RASAL1: variants seen among roughly 807,000 people sequenced by gnomAD.
RASAL1 encodes rasGAP-activating-like protein 1.
Under a neutral mutation model 96.6 loss-of-function variants are expected in RASAL1, and 72 were observed. That is an observed-to-expected ratio of 0.75 (90% CI 0.62 to 0.91). RASAL1 has a LOEUF of 0.91. RASAL1 is among the 40% of genes least tolerant of loss of function. RASAL1 has a pLI of 0.00. For missense variants in RASAL1, 1,016 were observed against 1,072.5 expected (o/e 0.95, Z 0.74); for synonymous variants, 405 against 430.4 (o/e 0.94, Z 0.73).
rs1377372099 is a variant in RASAL1, at chr12:113,108,066, G to A, written c.1512+19C>T. ...CCCTGGCTAAAGTACCTAGGATGGG[G>A]GAAACCCATGGCTGGCACCTTGGCA... On this transcript the variant is annotated intron_variant, in intron 14 of 20. Coordinates refer to ENST00000548055, the MANE Select transcript of RASAL1 (RefSeq NM_001301202.2). 6.2e-7 allele frequency: 1 copy of A among 1,603,566 alleles called. No individual in the cohort carries two copies. Among genetic ancestry groups the A allele is most frequent in the Non-Finnish European group, 8.5e-7 (1 of 1,175,376 alleles).
intron 2 of RASAL1, among the ~76,000 whole-genome samples, chr12:113,128,432 A>T (rs897440420): frequency 1.3e-5 from 2 of 151,504 alleles, no homozygotes; most frequent in African/African-American, 4.9e-5. Context: ...AGGCATAGAA[A>T]CACACACAGA....
Position 113,130,862 on chromosome 12 carries a change from T to C in RASAL1, c.122+23A>G, listed in dbSNP as rs1951678464. ...GAAAGAGACCCCTCCCTTCCTCCTC[T>C]CCCCCGTGTCGCCACCCCTCACCTG... On this transcript the variant is annotated intron_variant, in intron 2 of 20. Coordinates refer to ENST00000548055, the MANE Select transcript of RASAL1 (RefSeq NM_001301202.2). The surrounding 1 kb of genome is among the most constrained non-coding windows in gnomAD (Gnocchi z 5.1). 4 of 1,603,786 alleles carry C rather than the reference T, an allele frequency of 2.5e-6. No homozygotes were observed. The highest frequency in any genetic ancestry group is 1.7e-5 in the Admixed American group (1 of 59,522).
At position 113,115,245 on chromosome 12, in the gene RASAL1, G is replaced by C. The variant is rs1951031381; in HGVS notation, c.1023C>G (p.Phe341Leu). The C allele has an allele frequency of 6.2e-7, 1 of 1,613,968 alleles. No individual in the cohort carries two copies. Among genetic ancestry groups the C allele is most frequent in the Admixed American group, 1.7e-5 (1 of 60,020 alleles). Residue 341 changes from phenylalanine (F) to leucine (L), a missense_variant, in exon 11 of 21, where the codon TTC (phenylalanine) becomes TTG (leucine). Transcript: ENST00000548055. This position sits in a 1 kb window ranked among gnomAD's most constrained non-coding sequence, Gnocchi z 4.1. Reference protein sequence around the residue: ...VARTMDPNTLFRSNSLASKSM... With the variant: ...VARTMDPNTLLRSNSLASKSM... ...ACTTGGATGCCAGGGAGTTAGAACGGAAGAGGGTGTTGGGGTCCACTGGGA... is the reference window on the plus strand; with the variant it reads ...ACTTGGATGCCAGGGAGTTAGAACGCAAGAGGGTGTTGGGGTCCACTGGGA...
rs1257676485 is a variant in RASAL1, at chr12:113,104,179, G to A, written c.1950C>T (p.Thr650=). 8.1e-6 allele frequency: 13 copies of A among 1,611,220 alleles called. No individual in the cohort carries two copies. Among genetic ancestry groups the A allele is most frequent in the Admixed American group, 1.7e-5 (1 of 59,868 alleles). The change falls in exon 17 of 21, where the codon ACC becomes ACT. Residue 650 remains threonine (T), a synonymous_variant. Coordinates refer to ENST00000548055, the MANE Select transcript of RASAL1 (RefSeq NM_001301202.2). ...GTCTCACCTTGCACTGGAGGTAGGT[G>A]GTGTGCAGCGCCCCCGTGCCGTCCT... is the stretch of plus-strand genomic sequence containing the variant. ...VTQDGTGALH[T]TYLQCKNVNE...
intron 19 of RASAL1, among the ~76,000 whole-genome samples, chr12:113,101,008 T>G (rs1950424836): frequency 6.6e-6 from 1 of 152,230 alleles, no homozygotes; most frequent in South Asian, 2.1e-4. Flanking sequence ...TCATTATCAC[T>G]TATTGAAAGC....
intron 1 of RASAL1, among the ~76,000 whole-genome samples, chr12:113,133,225 G>A (rs915407771): frequency 2.0e-5 from 3 of 152,200 alleles, no homozygotes; most frequent in Non-Finnish European, 2.9e-5. Context: ...GGAGGGCAAC[G>A]GTGGCAAGAG....
rs1197331760 is a variant in RASAL1 at position 113,105,847 on chromosome 12, G to T, written c.1697C>A (p.Ala566Asp). 5 of 1,614,064 alleles carry T rather than the reference G, an allele frequency of 3.1e-6. No individual in the cohort carries two copies. In the South Asian group the frequency reaches 3.3e-5, roughly 11 times the overall value. ...CAGCAGATAGCCTTCTCGAACAATG[G>T]CCGAGGGCGGGAACAGGGCCCTGGC... ...VPARALFPPS[A>D]IVREGYLLKR... The change falls in exon 16 of 21, where the codon GCC (alanine) becomes GAC (aspartate). Residue 566 changes from alanine (A) to aspartate (D), a missense_variant. Transcript: ENST00000548055.
At chr12:113,135,861 G>T (rs911539723), upstream of RASAL1, 7 of 184,046 alleles carry the variant, frequency 3.8e-5, no homozygotes, top group Non-Finnish European at 8.0e-5. This position sits in a 1 kb window ranked among gnomAD's most constrained non-coding sequence, Gnocchi z 5.7. Context: ...CCCTCTACCG[G>T]CACCCCAGTC....
chr12:113,101,514 CT>C (rs1950442503), intron 19 of RASAL1, among the ~76,000 whole-genome samples: 1 of 152,172 alleles, frequency 6.6e-6, no homozygotes, highest in African/African-American at 2.4e-5. Flanking sequence ...AGAACCCACT[CT>C]ATAATGAGTT....
In RASAL1 at chr12:113,135,639, C is replaced by G. The variant is rs1162468674; in HGVS notation, c.-177G>C. ...TCCGAAAGAGGAGAAGGTGTAGGTGCCCGGGGAGGGAGCGCCCGTCCGGAC... is the reference window on the plus strand; with the variant it reads ...TCCGAAAGAGGAGAAGGTGTAGGTGGCCGGGGAGGGAGCGCCCGTCCGGAC... On this transcript the variant is annotated 5_prime_UTR_variant, in exon 1 of 21. Coordinates refer to ENST00000548055, the MANE Select transcript of RASAL1 (RefSeq NM_001301202.2). This position sits in a 1 kb window ranked among gnomAD's most constrained non-coding sequence, Gnocchi z 5.7. The G allele has an allele frequency of 8.2e-6, 5 of 609,162 alleles. No individual in the cohort carries two copies. In the East Asian group the frequency reaches 1.4e-4, roughly 17 times the overall value. 37.7% of individuals were successfully genotyped at this position (609,162 alleles called of 1,614,324 possible).
chr12:113,124,726 T>C lies in RASAL1; in HGVS notation c.298+3086A>G, dbSNP rs112818161. On this transcript the variant is annotated intron_variant, in intron 4 of 20. Transcript: ENST00000548055. ...GACACTTCACTGGTGTGTTGAGAAG[T>C]AAAGCGCTTAGCACCATGCCTGGCA... Among the ~76,000 whole-genome samples the C allele has an allele frequency of 1.6e-3, 249 of 152,304 alleles. 7 individuals carry two copies. The highest frequency in any genetic ancestry group is 5.8e-3 in the African/African-American group (239 of 41,560).
intron 5 of RASAL1, 134 bp from the exon 6 acceptor site, chr12:113,119,577 G>A: frequency 1.2e-6 from 1 of 849,722 alleles, no homozygotes; most frequent in Non-Finnish European, 1.9e-6. Context: ...GTCCAGCTAG[G>A]GACACCCCTA....
At chr12:113,116,122 CATTT>C in intron 8 of RASAL1, 71 bp from the exon 9 acceptor site, 1 of 1,356,754 alleles carries the variant, frequency 7.4e-7, no homozygotes, top group Non-Finnish European at 1.0e-6. Context: ...GTAATCCCAG[CATTT>C]TGGGAGGCCA....
Position 113,128,169 on chromosome 12 carries a change from A to T in RASAL1, c.132T>A (p.Thr44=). 6.2e-7 allele frequency: 1 copy of T among 1,612,970 alleles called. No individual in the cohort carries two copies. Among genetic ancestry groups the T allele is most frequent in the Non-Finnish European group, 8.5e-7 (1 of 1,179,488 alleles). The change falls in exon 3 of 21, where the codon ACT becomes ACA. Residue 44 remains threonine (T), a synonymous_variant. Coordinates refer to ENST00000548055, the MANE Select transcript of RASAL1 (RefSeq NM_001301202.2). ...VDDEVVARTA[T]VWRSLGPFWG... ...AGAAGGGGCCCAGGCTCCTCCAGAC[A>T]GTAGCTGTCCTGCAAAAGGAGGTGC...
chr12:113,116,157 G>C, intron 8 of RASAL1, 106 bp from the exon 9 acceptor site: 1 of 872,846 alleles, frequency 1.1e-6, no homozygotes, highest in Non-Finnish European at 1.7e-6. Flanking sequence ...ATCACTTGAG[G>C]TCAGCAGTTT....
intron 19 of RASAL1, 149 bp from the exon 20 acceptor site, chr12:113,100,829 C>A: frequency 1.5e-6 from 1 of 663,186 alleles, no homozygotes; most frequent in East Asian, 3.1e-5. Flanking sequence ...GCAAACATTT[C>A]TAGAGTGCCA....
Position 113,112,249 on chromosome 12 carries a change from T to C in RASAL1, c.1211A>G (p.Glu404Gly). Residue 404 changes from glutamate (E) to glycine (G), a missense_variant, in exon 13 of 21, where the codon GAG becomes GGG. Physicochemically the swap from Glu to Gly is moderately conservative, Grantham distance 98 (BLOSUM62 -2). Transcript: ENST00000548055. ...CAGGCTGGTCTCCCGCATCTGCTCC[T>C]CCGAGAGTGCGCCTTTGAAGGAGAT... ...RRISFKGALS[E>G]EQMRETSLGL... 7.9e-7 allele frequency: 1 copy of C among 1,265,480 alleles called. No homozygotes were observed. Among genetic ancestry groups the C allele is most frequent in the Non-Finnish European group, 1.0e-6 (1 of 996,962 alleles). The allele number at this position is 1,265,480 out of a possible 1,614,324, so 78.4% of individuals were successfully genotyped here.
intron 4 of RASAL1, among the ~76,000 whole-genome samples, chr12:113,123,449 T>C (rs1424072075): frequency 1.3e-5 from 2 of 152,214 alleles, no homozygotes; most frequent in African/African-American, 4.8e-5. Flanking sequence ...TCATGTTGAG[T>C]AACATCCACC....
At position 113,115,618 on chromosome 12, in the gene RASAL1, T is replaced by C. The variant is rs767308119; in HGVS notation, c.1003+17A>G. On this transcript the variant is annotated intron_variant, in intron 10 of 20. Transcript: ENST00000548055. The surrounding 1 kb of genome is among the most constrained non-coding windows in gnomAD (Gnocchi z 4.1). ...CCATTGAGGGCGGTGATGTCGGGGG[T>C]TGTGCGGGCAACTCACTGGTCCGAG... 1.9e-6 allele frequency: 3 copies of C among 1,611,022 alleles called. No homozygotes were observed. The African/African-American group carries it at 4.0e-5, about 22-fold the overall frequency.
Sources: allele counts gnomAD v4.1 joint callset (sites outside exome capture counted in the v4.1 genomes callset), GRCh38; gene constraint gnomAD v4.1.1; non-coding constraint Gnocchi (gnomAD v3.1); transcripts MANE v1.5; gene names NCBI Gene and HGNC (gene_info 2026-07-23, HGNC 2026-07-21).